The following MID1 variants were observed in gnomAD, a reference collection of about 807,000 sequenced individuals.
MID1 encodes midline 1.
MID1 carries 7 observed loss-of-function variants against 40.4 expected under a neutral mutation model. That is an observed-to-expected ratio of 0.17 (90% CI 0.10 to 0.33). MID1 has a LOEUF of 0.33. MID1 is among the 10% of genes least tolerant of loss of function. The pLI is 1.00. For missense variants in MID1, 367 were observed against 558.5 expected, an observed-to-expected ratio of 0.66 and a Z score of 3.46; for synonymous variants, 229 against 221.2, an observed-to-expected ratio of 1.04 and a Z score of -0.31.
At chrX:10,472,558 A>T (rs1301033927) in intron 6 of MID1, among the ~76,000 whole-genome samples, 1 of 112,443 alleles carries the variant, frequency 8.9e-6, no homozygotes, top group Non-Finnish European at 1.9e-5. Flanking sequence ...GCAAATACTT[A>T]ATTTTCCAGT....
intron 1 of MID1, among the ~76,000 whole-genome samples, chrX:10,710,562 C>A (rs950491448): frequency 1.8e-5 from 2 of 110,242 alleles, no homozygotes; most frequent in African/African-American, 6.6e-5. Context: ...TCCCACCAAC[C>A]AAATGAGAGT....
intron 1 of MID1, among the ~76,000 whole-genome samples, chrX:10,626,159 T>G (rs918240356): frequency 9.0e-6 from 1 of 110,873 alleles, no homozygotes; most frequent in Admixed American, 9.6e-5. Context: ...ATTTCTGATA[T>G]AGATATTATG....
intron 1 of MID1, among the ~76,000 whole-genome samples, chrX:10,693,092 C>T (rs1350444696): frequency 9.0e-6 from 1 of 111,387 alleles, no homozygotes. Flanking sequence ...TCTATGATGC[C>T]CCCTCTGATC....
rs1453116942 is a variant in MID1 at position 10,745,139 on chromosome X, T to G, written c.-187+88415A>C. ...ATACCTGACTCCAGTTCCTGAGTTC[T>G]CCAGGACCATCCTGGTTCTCACCTC... On this transcript the variant is annotated intron_variant, in intron 1 of 10. Transcript: ENST00000380785. Among the ~76,000 whole-genome samples, 6 of 112,652 alleles carry G rather than the reference T, an allele frequency of 5.3e-5. No homozygotes were observed. The South Asian group carries it at 2.2e-3, about 42-fold the overall frequency.
At chrX:10,785,603 T>C (rs1364374970) in intron 1 of MID1, among the ~76,000 whole-genome samples, 2 of 111,477 alleles carry the variant, frequency 1.8e-5, no homozygotes, top group African/African-American at 3.3e-5. Flanking sequence ...AGCATGGTAC[T>C]GGTACCAAAA....
intron 1 of MID1, among the ~76,000 whole-genome samples, chrX:10,794,898 G>T (rs2043958029): frequency 9.0e-6 from 1 of 111,169 alleles, no homozygotes; most frequent in South Asian, 3.8e-4. Context: ...TCAAGCTTCT[G>T]ACCTTTTCTT....
chrX:10,553,972 C>T (rs1391359775), intron 2 of MID1, among the ~76,000 whole-genome samples: 3 of 111,737 alleles, frequency 2.7e-5, no homozygotes, highest in African/African-American at 9.8e-5. Context: ...CTGCTTTAAT[C>T]ATAGGTGACG....
At chrX:10,605,592 G>A (rs1040470083) in intron 1 of MID1, among the ~76,000 whole-genome samples, 8 of 111,906 alleles carry the variant, frequency 7.1e-5, no homozygotes, top group African/African-American at 1.9e-4. Context: ...TTCCTCCAAT[G>A]CCTTCTCTCA....
In MID1 at chrX:10,822,096, C is replaced by T. The variant is rs139014579; in HGVS notation, c.-187+11458G>A. ...TATACTTGATCTTAAAAAATTATGG[C>T]ATTTTCGCAGTAACCAAAACAGCAT... On this transcript the variant is annotated intron_variant, in intron 1 of 10. Coordinates refer to the MID1 transcript ENST00000380785. Among the ~76,000 whole-genome samples, 411 of 110,734 alleles carry T rather than the reference C, an allele frequency of 3.7e-3. 17 individuals carry two copies. In the East Asian group the frequency reaches 0.087, roughly 23 times the overall value.
At position 10,449,574 on chromosome X, in the gene MID1, G is replaced by C. The variant is rs1802191; in HGVS notation, c.1798C>G (p.His600Asp). Residue 600 changes from histidine (H) to aspartate (D), a missense_variant, in exon 10 of 10, where the codon CAC (histidine) becomes GAC (aspartate). Around this residue, in one of 3 missense-constraint regions of MID1, gnomAD observed 275 missense variants for 383.1 expected, o/e 0.72. Coordinates refer to ENST00000317552, the MANE Select transcript of MID1 (RefSeq NM_000381.4). ...AGCAGGATGCCCACGCGCCGGAGGT[G>C]GGGGGCAGGCTCAATGGGGATTTCC... ...SKEIPIEPAP[H>D]LRRVGILLDY... 8.3e-7 allele frequency: 1 copy of C among 1,211,500 alleles called. No homozygotes were observed. Among genetic ancestry groups the C allele is most frequent in the Non-Finnish European group, 1.1e-6 (1 of 895,217 alleles).
chrX:10,766,753 C>T (rs1050842323), intron 1 of MID1, among the ~76,000 whole-genome samples: 2 of 109,024 alleles, frequency 1.8e-5, no homozygotes, highest in Non-Finnish European at 3.8e-5. Context: ...AACCTCGTCT[C>T]CATAAAAAGT....
intron 1 of MID1, among the ~76,000 whole-genome samples, chrX:10,789,151 C>T (rs1409843807): frequency 9.0e-6 from 1 of 111,157 alleles, no homozygotes; most frequent in Non-Finnish European, 1.9e-5. Flanking sequence ...CGTAATTGCG[C>T]TACTGCACCC....
At chrX:10,468,752 G>A (rs1457817248) in intron 7 of MID1, among the ~76,000 whole-genome samples, 2 of 111,411 alleles carry the variant, frequency 1.8e-5, no homozygotes, top group African/African-American at 6.5e-5. Flanking sequence ...TCAGTGAGAG[G>A]GGGCACCTCT....
intron 1 of MID1, among the ~76,000 whole-genome samples, chrX:10,650,129 G>T (rs780273078): frequency 9.0e-6 from 1 of 111,629 alleles, no homozygotes; most frequent in South Asian, 3.8e-4. Context: ...GGGAACCTCA[G>T]TGGAAAGTTT....
intron 2 of MID1, among the ~76,000 whole-genome samples, chrX:10,557,094 C>T (rs1362131): frequency 0.099 from 10,979 of 111,318 alleles, 905 homozygotes; most frequent in African/African-American, 0.27. Flanking sequence ...TTTGCAGTGT[C>T]CCCGAGGTTG....
chrX:10,466,197 G>C (rs1929376721), intron 7 of MID1, among the ~76,000 whole-genome samples: 1 of 111,398 alleles, frequency 9.0e-6, no homozygotes, highest in African/African-American at 3.3e-5. Context: ...CTCTTACCTT[G>C]GAATTTCTGA....
At chrX:10,716,410 CA>C (rs1224334454) in intron 1 of MID1, among the ~76,000 whole-genome samples, 1 of 111,752 alleles carries the variant, frequency 8.9e-6, no homozygotes, top group Non-Finnish European at 1.9e-5. Context: ...CAAGCCTCAG[CA>C]GCTGATTTGA....
intron 1 of MID1, among the ~76,000 whole-genome samples, chrX:10,742,870 G>A (rs1205117941): frequency 8.9e-6 from 1 of 112,219 alleles, no homozygotes; most frequent in Non-Finnish European, 1.9e-5. Flanking sequence ...GCCTACTGGG[G>A]GCATTCAAAC....
chrX:10,642,094 T>C (rs1936204184), intron 1 of MID1, among the ~76,000 whole-genome samples: 3 of 111,990 alleles, frequency 2.7e-5, no homozygotes, highest in Non-Finnish European at 5.6e-5. Context: ...GCATTCCCTT[T>C]GAAAACTGGC....
Sources: gnomAD v4.1 joint callset for allele counts (sites outside exome capture counted in the v4.1 genomes callset) on GRCh38, gnomAD v4.1.1 for gene constraint, gnomAD v4.1.1 regional missense constraint, MANE v1.5 for transcripts, NCBI Gene and HGNC (gene_info 2026-07-23, HGNC 2026-07-21) for gene names.